The following DIDO1 variants were observed in gnomAD, a reference collection of about 807,000 sequenced individuals.
DIDO1 encodes the protein death-inducer obliterator 1.
DIDO1 carries 16 observed loss-of-function variants against 99.4 expected under a neutral mutation model. The ratio of observed to expected loss-of-function variants is 0.16; its 90% CI spans 0.11 to 0.24. DIDO1 has a LOEUF of 0.24. Ranked by LOEUF, DIDO1 falls within the 10% of genes least tolerant of loss-of-function variation. DIDO1 has a pLI of 1.00. For synonymous variants in DIDO1, 1,366 were observed against 1,239.1 expected, an observed-to-expected ratio of 1.10 and a Z score of -2.15; for missense variants, 2,996 against 3,014.0, an observed-to-expected ratio of 0.99 and a Z score of 0.14.
Position 62,896,701 on chromosome 20 carries a change from G to T in DIDO1, c.1884C>A (p.Phe628Leu). The change falls in exon 7 of 16, where the codon TTC (phenylalanine) becomes TTA (leucine). Residue 628 changes from phenylalanine to leucine, a missense_variant. Around this residue, in one of 5 missense-constraint regions of DIDO1, gnomAD observed 898 missense variants for 972.7 expected, o/e 0.92. Transcript: ENST00000395343. This position sits in a 1 kb window ranked among gnomAD's most constrained non-coding sequence, Gnocchi z 4.4. Reference sequence around the variant, plus strand: ...CTCCCACCAAAGCAGCGGAGCCAGGGAACTTCTTGGAGGCAGCCGTTGCCG... The same window carrying T: ...CTCCCACCAAAGCAGCGGAGCCAGGTAACTTCTTGGAGGCAGCCGTTGCCG... ...PAAATAASKK[F>L]PGSAALVGAV... 6.2e-7 allele frequency: 1 copy of T among 1,613,912 alleles called. No homozygotes were observed. Among genetic ancestry groups the T allele is most frequent in the Non-Finnish European group, 8.5e-7 (1 of 1,179,918 alleles).
chr20:62,895,019 G>A, intron 9 of DIDO1, 30 bp downstream of exon 9: 1 of 1,598,424 alleles, frequency 6.3e-7, no homozygotes, highest in Non-Finnish European at 8.6e-7. Flanking sequence ...CGAGTCCTGG[G>A]TGCCTCCGCA....
chr20:62,880,874 A>G lies in DIDO1; in HGVS notation c.5082T>C (p.Ala1694=). The G allele has an allele frequency of 6.2e-7, 1 of 1,612,568 alleles. No individual in the cohort carries two copies. Among genetic ancestry groups the G allele is most frequent in the East Asian group, 2.2e-5 (1 of 44,858 alleles). ...GGTCCTCATACTGGGCTGAGCCGAGAGCCTTGTCCTGCGACGCGAACCCCG... is the reference window on the plus strand; with the variant it reads ...GGTCCTCATACTGGGCTGAGCCGAGGGCCTTGTCCTGCGACGCGAACCCCG... The part of the protein sequence containing the change: ...TCPGFASQDK[A]LGSAQYEDPR... Residue 1694 remains alanine, a synonymous_variant, in exon 16 of 16, where the codon GCT becomes GCC. Coordinates refer to ENST00000395343, the MANE Select transcript of DIDO1 (RefSeq NM_001193369.2).
Position 62,892,948 on chromosome 20 carries a change from C to T in DIDO1, c.3116G>A (p.Arg1039His), listed in dbSNP as rs201837878. Residue 1039 changes from arginine (R) to histidine (H), a missense_variant, in exon 13 of 16, where the codon CGT (arginine) becomes CAT (histidine). Transcript: ENST00000395343. ...PSPNISTSES[R>H]SPPEGDTTLF... ...GGTCGTGTCTCCCTCTGGAGGGGAA[C>T]GTGATTCTGAAGTGCTGTAAAACAA... 3.6e-5 allele frequency: 58 copies of T among 1,611,638 alleles called. No individual in the cohort carries two copies. In the Admixed American group the frequency reaches 5.9e-4, roughly 16 times the overall value.
At chr20:62,913,183 G>C (rs2064978938) in intron 2 of DIDO1, among the ~76,000 whole-genome samples, 1 of 152,176 alleles carries the variant, frequency 6.6e-6, no homozygotes, top group Admixed American at 6.5e-5. Flanking sequence ...CTGTAAACAT[G>C]ACCCACACCC....
Position 62,881,111 on chromosome 20 carries a change from G to A in DIDO1, c.4845C>T (p.Ala1615=), listed in dbSNP as rs1329738489. The A allele has an allele frequency of 1.2e-6, 2 of 1,609,524 alleles. No homozygotes were observed. Among genetic ancestry groups the A allele is most frequent in the East Asian group, 4.5e-5 (2 of 44,842 alleles). ...TTTCGCCCGAAGCCCAGGGGGAAGA[G>A]GCTGGCTCTTTTTCCTCCGGGACTG... The part of the protein sequence containing the change: ...PMPVPEEKEP[A]SSPWASGEKP... The change falls in exon 16 of 16, where the codon GCC becomes GCT. Residue 1615 remains alanine (A), a synonymous_variant. Transcript: ENST00000395343. The surrounding 1 kb of genome is among the most constrained non-coding windows in gnomAD (Gnocchi z 8.3).
At chr20:62,925,578 G>A (rs575145082) in intron 1 of DIDO1, among the ~76,000 whole-genome samples, 7 of 152,350 alleles carry the variant, frequency 4.6e-5, no homozygotes, top group South Asian at 4.1e-4. Context: ...TGGTAACGCA[G>A]TAAGCTACTG....
At chr20:62,929,139 C>A (rs930709949), upstream of DIDO1, 3 of 152,266 alleles carry the variant, frequency 2.0e-5, no homozygotes, top group Non-Finnish European at 4.4e-5. Context: ...GAAGGAGCAC[C>A]AGCGCTTCCT....
intron 1 of DIDO1, among the ~76,000 whole-genome samples, chr20:62,937,389 G>C (rs542805506): frequency 6.6e-6 from 1 of 152,162 alleles, no homozygotes; most frequent in Admixed American, 6.5e-5. Context: ...CAGTCACCGA[G>C]TAACCCCGGC....
intron 13 of DIDO1, among the ~76,000 whole-genome samples, chr20:62,892,425 A>G (rs1358857433): frequency 6.6e-6 from 1 of 152,186 alleles, no homozygotes; most frequent in East Asian, 1.9e-4. Context: ...TTAATTCTGA[A>G]AACTAAAAGG....
chr20:62,917,880 A>C (rs1022508253), intron 1 of DIDO1, among the ~76,000 whole-genome samples: 20 of 152,238 alleles, frequency 1.3e-4, no homozygotes, highest in Non-Finnish European at 4.4e-5. Context: ...ATTATTATGC[A>C]GAAGTCATCT....
rs1290479955 is a variant in DIDO1, at chr20:62,911,650, AC to A, written c.-2-37del. 2 of 1,498,810 alleles carry A rather than the reference AC, an allele frequency of 1.3e-6. No homozygotes were observed. The highest frequency in any genetic ancestry group is 2.7e-5 in the South Asian group (2 of 72,906). The allele number at this position is 1,498,810 out of a possible 1,614,324, so 92.8% of individuals were successfully genotyped here. On this transcript the variant is annotated intron_variant, in intron 2 of 15. Transcript: ENST00000395343. This position sits in a 1 kb window ranked among gnomAD's most constrained non-coding sequence, Gnocchi z 7.0. ...AGTGTAAGCACATAGTGACCAACTG[AC>A]CACAGAACAAAAGGTGACATTGCCG...
At chr20:62,919,110 T>C (rs1173644036) in intron 1 of DIDO1, among the ~76,000 whole-genome samples, 1 of 152,238 alleles carries the variant, frequency 6.6e-6, no homozygotes, top group Non-Finnish European at 1.5e-5. Context: ...GAAAGAGATT[T>C]GGGCCCACAA....
intron 1 of DIDO1, among the ~76,000 whole-genome samples, chr20:62,917,866 G>C (rs1267184283): frequency 1.3e-5 from 2 of 152,172 alleles, no homozygotes; most frequent in East Asian, 3.9e-4. Context: ...TGTACTATTA[G>C]ACTATTATTA....
At chr20:62,892,138 C>T in intron 13 of DIDO1, 62 bp from the exon 14 acceptor site, 1 of 1,444,404 alleles carries the variant, frequency 6.9e-7, no homozygotes, top group Non-Finnish European at 9.5e-7. Context: ...AAGACGAATG[C>T]AGCCATGTGA....
chr20:62,894,599 C>T lies in DIDO1; in HGVS notation c.2437-51G>A. The T allele has an allele frequency of 6.3e-7, 1 of 1,585,714 alleles. No individual in the cohort carries two copies. The highest frequency in any genetic ancestry group is 8.5e-7 in the Non-Finnish European group (1 of 1,170,598). On this transcript the variant is annotated intron_variant, in intron 10 of 15. Coordinates refer to ENST00000395343, the MANE Select transcript of DIDO1 (RefSeq NM_001193369.2). This position sits in a 1 kb window ranked among gnomAD's most constrained non-coding sequence, Gnocchi z 4.4. ...GAGGTCGTTTCTTCTCCAAACTCAG[C>T]TCCAAATTAACCACACACAAGAAAA...
chr20:62,898,026 C>T (rs975764230), intron 6 of DIDO1, among the ~76,000 whole-genome samples: 5 of 152,224 alleles, frequency 3.3e-5, no homozygotes, highest in African/African-American at 1.2e-4. Context: ...TGAGGAAAGG[C>T]TTTTCCAACG....
chr20:62,886,768 C>G (rs2064303452), intron 15 of DIDO1, among the ~76,000 whole-genome samples: 1 of 152,194 alleles, frequency 6.6e-6, no homozygotes, highest in Non-Finnish European at 1.5e-5. Context: ...ATGGTCTGCA[C>G]CTGTCAAAAC....
chr20:62,922,549 C>T (rs1170830951), intron 1 of DIDO1, among the ~76,000 whole-genome samples: 4 of 151,984 alleles, frequency 2.6e-5, no homozygotes, highest in Non-Finnish European at 5.9e-5. Context: ...TCTAGGAACG[C>T]GGGGGCCACA....
rs768637738 is a variant in DIDO1 at position 62,910,933 on chromosome 20, G to A, written c.680C>T (p.Ser227Phe). The change falls in exon 3 of 16, where the codon TCC becomes TTC. Residue 227 changes from serine to phenylalanine, a missense_variant. Transcript: ENST00000395343. ...CTCTCTGTCATCTTTCCCAGCCTGGGACACAACCCCCTGATCGTTCTCGGG... is the reference window on the plus strand; with the variant it reads ...CTCTCTGTCATCTTTCCCAGCCTGGAACACAACCCCCTGATCGTTCTCGGG... ...QEPENDQGVV[S>F]QAGKDDRESK... 1 of 1,614,084 alleles carries A rather than the reference G, an allele frequency of 6.2e-7. No individual in the cohort carries two copies. The highest frequency in any genetic ancestry group is 1.1e-5 in the South Asian group (1 of 91,078).
Sources: gnomAD v4.1 joint callset for allele counts (sites outside exome capture counted in the v4.1 genomes callset) on GRCh38, gnomAD v4.1.1 for gene constraint, gnomAD v4.1.1 regional missense constraint, Gnocchi (gnomAD v3.1) non-coding constraint, MANE v1.5 for transcripts, NCBI Gene and HGNC (gene_info 2026-07-23, HGNC 2026-07-21) for gene names.